The following PDLIM5 variants were observed in gnomAD, a reference collection of about 807,000 sequenced individuals.
PDLIM5 encodes PDZ and LIM domain protein 5.
PDLIM5 carries 34 observed loss-of-function variants against 64.2 expected under a neutral mutation model. The observed-to-expected ratio is 0.53, with a 90% CI of 0.40 to 0.71. The LOEUF (loss-of-function observed/expected upper bound fraction) is 0.71. Among genes scored for constraint, PDLIM5 ranks in the 30% least tolerant of loss-of-function variants. The pLI, the probability that PDLIM5 is intolerant of heterozygous loss-of-function variation, is 0.00. For synonymous variants in PDLIM5, 253 were observed against 269.1 expected, an observed-to-expected ratio of 0.94 and a Z score of 0.59; for missense variants, 683 against 733.6, an observed-to-expected ratio of 0.93 and a Z score of 0.80.
At chr4:94,641,486 GT>G (rs1037004312) in intron 9 of PDLIM5, among the ~76,000 whole-genome samples, 3 of 152,050 alleles carry the variant, frequency 2.0e-5, no homozygotes, top group Non-Finnish European at 2.9e-5. Flanking sequence ...AAACTGAATA[GT>G]TTTTTTGTTT....
chr4:94,516,831 C>G (rs1395297543), intron 2 of PDLIM5, among the ~76,000 whole-genome samples: 4 of 152,150 alleles, frequency 2.6e-5, no homozygotes, highest in Admixed American at 2.6e-4. Context: ...TGTGCCCACC[C>G]CAGCCTTAGA....
At chr4:94,464,129 A>G (rs967789776) in intron 2 of PDLIM5, among the ~76,000 whole-genome samples, 10 of 152,198 alleles carry the variant, frequency 6.6e-5, no homozygotes, top group Admixed American at 2.6e-4. Flanking sequence ...TAAATGTTAA[A>G]TATGATGAGA....
intron 5 of PDLIM5, 68 bp downstream of exon 5, chr4:94,576,102 T>C (rs1735228278): frequency 1.5e-6 from 2 of 1,362,610 alleles, no homozygotes; most frequent in Non-Finnish European, 2.0e-6. Context: ...GGAAATACTC[T>C]ACATTCCTCT....
At chr4:94,610,393 A>C in intron 7 of PDLIM5, 1 of 694,222 alleles carries the variant, frequency 1.4e-6, no homozygotes, top group East Asian at 3.1e-5. Context: ...TGCCCCTTTG[A>C]AGCAATCATA....
intron 3 of PDLIM5, among the ~76,000 whole-genome samples, chr4:94,555,080 TCTCA>T (rs1225279202): frequency 6.6e-6 from 1 of 151,864 alleles, no homozygotes; most frequent in Non-Finnish European, 1.5e-5. Flanking sequence ...TGAGATGGAG[TCTCA>T]CTCTGTTGCC....
chr4:94,471,724 G>T (rs1411738021), intron 2 of PDLIM5, among the ~76,000 whole-genome samples: 2 of 152,032 alleles, frequency 1.3e-5, no homozygotes, highest in Non-Finnish European at 2.9e-5. Context: ...TCAAATAAGG[G>T]TAAAAATATT....
rs185996529 is a variant in PDLIM5, at chr4:94,587,490, C to T, written c.920+1046C>T. ...CTTTCTTTATATTATTAACATCTCC[C>T]AAGATTACTTTTTAAGTTCATTATT... On this transcript the variant is annotated intron_variant, in intron 7 of 12. Coordinates refer to ENST00000317968, the MANE Select transcript of PDLIM5 (RefSeq NM_006457.5). The T allele has an allele frequency of 1.4e-3, 1,210 of 894,654 alleles. 12 individuals are homozygous for T. In the African/African-American group the frequency reaches 0.02, roughly 15 times the overall value. The allele number at this position is 894,654 out of a possible 1,614,324, so 55.4% of individuals were successfully genotyped here.
At chr4:94,493,690 A>G (rs192580425) in intron 2 of PDLIM5, among the ~76,000 whole-genome samples, 2 of 152,326 alleles carry the variant, frequency 1.3e-5, no homozygotes, top group Non-Finnish European at 2.9e-5. Flanking sequence ...ACCAAGAGGT[A>G]TAATTATTGG....
At chr4:94,585,422 C>G in intron 5 of PDLIM5, 143 bp from the exon 6 acceptor site, 1 of 534,276 alleles carries the variant, frequency 1.9e-6, no homozygotes, top group Non-Finnish European at 3.0e-6. Context: ...AACTTGAGAC[C>G]GAATATACTT....
At chr4:94,628,075 T>C (rs1008128629) in intron 8 of PDLIM5, among the ~76,000 whole-genome samples, 1 of 152,200 alleles carries the variant, frequency 6.6e-6, no homozygotes, top group Non-Finnish European at 1.5e-5. Context: ...GAAGCATTTC[T>C]TACAGATTCA....
intron 2 of PDLIM5, among the ~76,000 whole-genome samples, chr4:94,483,031 T>C (rs1726011188): frequency 6.6e-6 from 1 of 152,232 alleles, no homozygotes; most frequent in African/African-American, 2.4e-5. Flanking sequence ...ACTCTGAAAG[T>C]ATCTAAATTA....
At chr4:94,620,795 C>T (rs985006234) in intron 8 of PDLIM5, among the ~76,000 whole-genome samples, 7 of 151,940 alleles carry the variant, frequency 4.6e-5, no homozygotes, top group Admixed American at 3.3e-4. Context: ...CAGTGACTCA[C>T]GCCTATAATC....
At chr4:94,505,755 G>A (rs1206081251) in intron 2 of PDLIM5, among the ~76,000 whole-genome samples, 2 of 152,162 alleles carry the variant, frequency 1.3e-5, no homozygotes, top group Non-Finnish European at 2.9e-5. Flanking sequence ...CACAGGGCAG[G>A]GCGTATGAAA....
intron 2 of PDLIM5, among the ~76,000 whole-genome samples, chr4:94,459,709 A>G (rs939636361): frequency 6.6e-6 from 1 of 152,186 alleles, no homozygotes; most frequent in Non-Finnish European, 1.5e-5. Context: ...ACAGATTCTG[A>G]TAAGTGTTTC....
chr4:94,467,376 A>C (rs997560432), intron 2 of PDLIM5, among the ~76,000 whole-genome samples: 1 of 148,684 alleles, frequency 6.7e-6, no homozygotes, highest in Non-Finnish European at 1.5e-5. Context: ...GTGTGGCGGC[A>C]TAATCTCAGC....
intron 2 of PDLIM5, among the ~76,000 whole-genome samples, chr4:94,514,458 A>G (rs1176811280): frequency 6.6e-6 from 1 of 151,650 alleles, no homozygotes; most frequent in Non-Finnish European, 1.5e-5. Flanking sequence ...TTTCTGGAGG[A>G]TTTTTGCATC....
intron 3 of PDLIM5, among the ~76,000 whole-genome samples, chr4:94,569,333 G>A (rs538765366): frequency 1.3e-5 from 1 of 77,350 alleles, no homozygotes; most frequent in Non-Finnish European, 2.4e-5. Context: ...TTGTTTGTTC[G>A]TTTGTTTGTT....
chr4:94,561,009 G>C (rs571204996), intron 3 of PDLIM5, among the ~76,000 whole-genome samples: 78 of 152,086 alleles, frequency 5.1e-4, no homozygotes, highest in Non-Finnish European at 9.6e-4. Flanking sequence ...TTACAGGCTT[G>C]AGCCACCGCG....
intron 11 of PDLIM5, among the ~76,000 whole-genome samples, chr4:94,659,062 A>T (rs149906688): frequency 5.3e-4 from 81 of 152,366 alleles, no homozygotes; most frequent in African/African-American, 1.9e-3. Context: ...AATACTAAAT[A>T]ATTACTTATA....
Sources: allele counts gnomAD v4.1 joint callset (sites outside exome capture counted in the v4.1 genomes callset), GRCh38; gene constraint gnomAD v4.1.1; transcripts MANE v1.5; gene names NCBI Gene and HGNC (gene_info 2026-07-23, HGNC 2026-07-21).